The following PTPRM variants were observed in gnomAD, a reference collection of about 807,000 sequenced individuals.
The protein encoded by PTPRM is receptor-type tyrosine-protein phosphatase mu.
Under a neutral mutation model 186.7 loss-of-function variants are expected in PTPRM, and 47 were observed. That is an observed-to-expected ratio of 0.25 (90% CI 0.20 to 0.32). The LOEUF (loss-of-function observed/expected upper bound fraction) is 0.32, where lower values mean the gene tolerates loss of function less well. Among genes scored for constraint, PTPRM ranks in the 10% least tolerant of loss-of-function variants. The pLI, the probability that PTPRM is intolerant of heterozygous loss-of-function variation, is 1.00. For synonymous variants in PTPRM, 668 were observed against 674.9 expected, an observed-to-expected ratio of 0.99 and a Z score of 0.16; for missense variants, 1,494 against 1,865.0, an observed-to-expected ratio of 0.80 and a Z score of 3.66.
chr18:7,910,803 A>G (rs765537402), intron 4 of PTPRM, among the ~76,000 whole-genome samples: 1 of 152,116 alleles, frequency 6.6e-6, no homozygotes, highest in Non-Finnish European at 1.5e-5. Context: ...GGCAGTGTGC[A>G]AAGGAAGTAG....
intron 7 of PTPRM, among the ~76,000 whole-genome samples, chr18:7,976,919 GT>G (rs377745578): frequency 0.097 from 13,387 of 137,494 alleles, 574 homozygotes; most frequent in Middle Eastern, 0.14. Context: ...GAAACTTGCT[GT>G]TTTTTTTTTT....
At chr18:7,714,879 C>T (rs987445911) in intron 1 of PTPRM, among the ~76,000 whole-genome samples, 4 of 152,150 alleles carry the variant, frequency 2.6e-5, no homozygotes, top group African/African-American at 9.7e-5. Context: ...TAATTAATTG[C>T]CTACCAACCA....
At chr18:7,990,460 A>C (rs528027025) in intron 7 of PTPRM, among the ~76,000 whole-genome samples, 4 of 152,222 alleles carry the variant, frequency 2.6e-5, no homozygotes, top group African/African-American at 9.6e-5. Flanking sequence ...TGTGTACTAA[A>C]TGGTTTCAAT....
At chr18:8,124,913 C>T (rs2092290601) in intron 13 of PTPRM, among the ~76,000 whole-genome samples, 2 of 152,138 alleles carry the variant, frequency 1.3e-5, no homozygotes, top group African/African-American at 4.8e-5. Flanking sequence ...GCTATACTTG[C>T]ACTGGGAAGC....
At chr18:7,592,385 A>G (rs1457613436) in intron 1 of PTPRM, among the ~76,000 whole-genome samples, 1 of 152,222 alleles carries the variant, frequency 6.6e-6, no homozygotes, top group Admixed American at 6.5e-5. Context: ...GCTGTAACTC[A>G]TCATATATTC....
At chr18:8,231,011 G>A (rs183419969) in intron 14 of PTPRM, among the ~76,000 whole-genome samples, 7 of 152,270 alleles carry the variant, frequency 4.6e-5, no homozygotes, top group African/African-American at 1.2e-4. Context: ...AAGCACACAC[G>A]TAATTGTAGA....
intron 7 of PTPRM, among the ~76,000 whole-genome samples, chr18:7,964,924 A>T (rs1276505944): frequency 6.6e-6 from 1 of 152,142 alleles, no homozygotes; most frequent in African/African-American, 2.4e-5. Context: ...CTTCATTTAC[A>T]TATGAGACAC....
intron 7 of PTPRM, among the ~76,000 whole-genome samples, chr18:8,064,122 T>C (rs1249310067): frequency 6.6e-6 from 1 of 152,214 alleles, no homozygotes; most frequent in Non-Finnish European, 1.5e-5. Context: ...GATGGAAGTT[T>C]AAATGATTAG....
At chr18:8,193,660 T>C (rs1390282168) in intron 14 of PTPRM, among the ~76,000 whole-genome samples, 1 of 152,192 alleles carries the variant, frequency 6.6e-6, no homozygotes, top group African/African-American at 2.4e-5. Context: ...CAGTAGTGAG[T>C]GCACAGCTGG....
At chr18:7,961,991 CT>C (rs34539482) in intron 7 of PTPRM, among the ~76,000 whole-genome samples, 49,196 of 151,882 alleles carry the variant, frequency 0.32, 8,736 homozygotes, top group East Asian at 0.44. Flanking sequence ...GCAGTAATAG[CT>C]ATCATATCTG....
chr18:8,244,147 A>C lies in PTPRM; in HGVS notation c.2390A>C (p.Glu797Ala). Reference protein sequence around the residue: ...MVNSMDKSYAEQGTNCDEAFS... With the variant: ...MVNSMDKSYAAQGTNCDEAFS... Reference sequence around the variant, plus strand: ...AACTCAATGGACAAGAGCTATGCTGAGCAGGGCACAAACTGCGACGAGGCT... The same window carrying C: ...AACTCAATGGACAAGAGCTATGCTGCGCAGGGCACAAACTGCGACGAGGCT... The change falls in exon 15 of 33, where the codon GAG becomes GCG. Residue 797 changes from glutamate to alanine, a missense_variant. Physicochemically the swap from Glu to Ala is moderately radical, Grantham distance 107. This residue lies in a region of PTPRM where 1,107 missense variants were observed against 1,350.2 expected (regional missense o/e 0.82). Coordinates refer to ENST00000580170, the MANE Select transcript of PTPRM (RefSeq NM_001105244.2). The C allele has an allele frequency of 6.2e-7, 1 of 1,606,152 alleles. No homozygotes were observed. Among genetic ancestry groups the C allele is most frequent in the Non-Finnish European group, 8.5e-7 (1 of 1,177,280 alleles).
At chr18:8,370,844 A>G (rs2095659016) in intron 23 of PTPRM, 46 bp from the exon 24 acceptor site, 1 of 1,339,384 alleles carries the variant, frequency 7.5e-7, no homozygotes, top group African/African-American at 1.5e-5. Context: ...AGGAACTCCA[A>G]AAAAACCAAA....
intron 24 of PTPRM, among the ~76,000 whole-genome samples, chr18:8,372,354 G>A (rs1056262212): frequency 3.5e-5 from 5 of 144,644 alleles, no homozygotes; most frequent in East Asian, 1.9e-4. Context: ...GATTACAGGC[G>A]TGAGCCACCG....
intron 2 of PTPRM, among the ~76,000 whole-genome samples, chr18:7,863,352 C>T (rs2047494507): frequency 1.3e-5 from 2 of 152,040 alleles, no homozygotes; most frequent in African/African-American, 4.8e-5. Flanking sequence ...CCTCCCCCAG[C>T]CCCTCACCCC....
intron 7 of PTPRM, among the ~76,000 whole-genome samples, chr18:8,021,740 ATTTT>A (rs1159427006): frequency 6.6e-6 from 1 of 151,956 alleles, no homozygotes; most frequent in Non-Finnish European, 1.5e-5. Context: ...TTTGTACCAC[ATTTT>A]CTTTATCCAG....
chr18:7,882,723 TTTG>T (rs772186022), intron 2 of PTPRM, among the ~76,000 whole-genome samples: 2 of 152,204 alleles, frequency 1.3e-5, no homozygotes, highest in African/African-American at 2.4e-5. Context: ...AAAATATTCT[TTTG>T]TTGTTGTTGT....
intron 14 of PTPRM, among the ~76,000 whole-genome samples, chr18:8,179,920 A>G (rs2093550500): frequency 6.6e-6 from 1 of 152,178 alleles, no homozygotes; most frequent in Admixed American, 6.5e-5. Context: ...GACAACAGTC[A>G]TTTTCCTTCT....
chr18:7,781,789 G>T lies in PTPRM; in HGVS notation c.196+7518G>T, dbSNP rs1298351752. On this transcript the variant is annotated intron_variant, in intron 2 of 32. Transcript: ENST00000580170. The stretch of plus-strand genomic sequence containing the variant: ...TTAACACTTAAATGTTTGGGAGGTG[G>T]GCATTGAATTTGACATTTTTTTTTA... Among the ~76,000 whole-genome samples, 9 of 152,180 alleles carry T rather than the reference G, an allele frequency of 5.9e-5. No individual in the cohort carries two copies. The South Asian group carries it at 1.7e-3, about 28-fold the overall frequency.
At chr18:7,975,025 T>C (rs1416416945) in intron 7 of PTPRM, among the ~76,000 whole-genome samples, 1 of 152,200 alleles carries the variant, frequency 6.6e-6, no homozygotes, top group African/African-American at 2.4e-5. Context: ...GTGATGCCGA[T>C]ATTGAAAACC....
Sources: allele counts gnomAD v4.1 joint callset (sites outside exome capture counted in the v4.1 genomes callset), GRCh38; gene constraint gnomAD v4.1.1; regional missense constraint gnomAD v4.1.1; transcripts MANE v1.5; gene names NCBI Gene and HGNC (gene_info 2026-07-23, HGNC 2026-07-21).